The following TTC17 variants were observed in gnomAD, a reference collection of about 807,000 sequenced individuals.
TTC17 encodes the protein tetratricopeptide repeat protein 17.
Under a neutral mutation model 143.8 loss-of-function variants are expected in TTC17, and 58 were observed. That is an observed-to-expected ratio of 0.40 (90% confidence interval 0.33 to 0.50). The LOEUF is 0.50. TTC17 is among the 20% of genes least tolerant of loss of function. The pLI is 0.49. For synonymous variants in TTC17, 501 were observed against 497.8 expected, an observed-to-expected ratio of 1.01 and a Z score of -0.09; for missense variants, 1,273 against 1,392.5, an observed-to-expected ratio of 0.91 and a Z score of 1.37.
intron 15 of TTC17, among the ~76,000 whole-genome samples, chr11:43,413,974 A>G (rs1227973752): frequency 6.6e-6 from 1 of 152,202 alleles, no homozygotes; most frequent in Non-Finnish European, 1.5e-5. Flanking sequence ...TGTGCCTATC[A>G]AGACATTTAC....
chr11:43,406,545 A>C (rs1207789012), intron 13 of TTC17, among the ~76,000 whole-genome samples: 1 of 151,306 alleles, frequency 6.6e-6, no homozygotes, highest in Non-Finnish European at 1.5e-5. Flanking sequence ...CTTTTTAGCA[A>C]TCACAGACCA....
chr11:43,370,127 T>C (rs1254479913), intron 1 of TTC17: 4 of 454,502 alleles, frequency 8.8e-6, no homozygotes, highest in Non-Finnish European at 1.3e-5. Flanking sequence ...GAAGCTGGGC[T>C]GCTATTTTTG....
chr11:43,425,005 C>T (rs1480552518), intron 16 of TTC17, among the ~76,000 whole-genome samples: 1 of 152,192 alleles, frequency 6.6e-6, no homozygotes, highest in African/African-American at 2.4e-5. Flanking sequence ...TTGTTATATA[C>T]ACTTGTGTGT....
chr11:43,363,157 T>G (rs1856186816), intron 1 of TTC17, among the ~76,000 whole-genome samples: 1 of 152,046 alleles, frequency 6.6e-6, no homozygotes, highest in Admixed American at 6.6e-5. Context: ...ATCAGGCCTG[T>G]GGCTCTTTTG....
chr11:43,491,059 G>C (rs1219416024), intron 22 of TTC17: 1 of 152,128 alleles, frequency 6.6e-6, no homozygotes, highest in Non-Finnish European at 1.5e-5. Context: ...TCAAGGCAAT[G>C]TATGGAATGA....
At chr11:43,454,037 T>A (rs989802442) in intron 21 of TTC17, among the ~76,000 whole-genome samples, 1 of 152,136 alleles carries the variant, frequency 6.6e-6, no homozygotes, top group Non-Finnish European at 1.5e-5. Context: ...CACATTGTCA[T>A]AAAGTTGAAA....
intron 16 of TTC17, among the ~76,000 whole-genome samples, chr11:43,434,168 GACACACACACACACACACAC>G (rs55913890): frequency 0.089 from 11,194 of 125,512 alleles, 571 homozygotes; most frequent in Non-Finnish European, 0.11. Context: ...CATGGGCGGG[GACACACACACACACACACAC>G]ACACACACAC....
rs548790438 is a variant in TTC17, at chr11:43,476,257, A to G, written c.3031-13982A>G. On this transcript the variant is annotated intron_variant, in intron 21 of 23. Coordinates refer to ENST00000039989, the MANE Select transcript of TTC17 (RefSeq NM_018259.6). ...GTCTGGGAAAGCAAGGAAGCTCGCA[A>G]TGACAACAGGTTGTATCAAAAGAAT... Among the ~76,000 whole-genome samples the G allele has an allele frequency of 1.9e-4, 29 of 152,342 alleles. No homozygotes were observed. The East Asian group carries it at 2.9e-3, about 15-fold the overall frequency.
intron 21 of TTC17, among the ~76,000 whole-genome samples, chr11:43,480,584 A>G (rs1948267653): frequency 6.6e-6 from 1 of 152,242 alleles, no homozygotes; most frequent in Admixed American, 6.5e-5. Flanking sequence ...ACAAAATGCT[A>G]AGCAAATAAG....
chr11:43,401,592 C>T (rs374876852), intron 10 of TTC17, 34 bp downstream of exon 10: 12 of 1,421,780 alleles, frequency 8.4e-6, no homozygotes, highest in South Asian at 7.7e-5. Flanking sequence ...TTCTTATAAA[C>T]GTTTGCTTTA....
At chr11:43,486,939 G>C (rs1337129203) in intron 21 of TTC17, among the ~76,000 whole-genome samples, 1 of 151,894 alleles carries the variant, frequency 6.6e-6, no homozygotes, top group African/African-American at 2.4e-5. Context: ...AGGAGGCTGA[G>C]GTAGGAGGCT....
At chr11:43,379,104 G>C (rs1298616716) in intron 1 of TTC17, 129 bp from the exon 2 acceptor site, 2 of 845,732 alleles carry the variant, frequency 2.4e-6, no homozygotes, top group African/African-American at 3.4e-5. Context: ...AATACTCCTT[G>C]AGTTTTGCTG....
chr11:43,373,411 C>T (rs997535777), intron 1 of TTC17, among the ~76,000 whole-genome samples: 3 of 151,568 alleles, frequency 2.0e-5, no homozygotes, highest in African/African-American at 7.3e-5. Flanking sequence ...GCAAGCTCCA[C>T]CTCCCAGGTT....
intron 21 of TTC17, among the ~76,000 whole-genome samples, chr11:43,489,029 A>G (rs1408354300): frequency 2.0e-5 from 3 of 152,148 alleles, no homozygotes; most frequent in Admixed American, 6.5e-5. Context: ...CCTAACTACA[A>G]CTGAAAATCC....
At chr11:43,379,835 C>G (rs949456850) in intron 2 of TTC17, among the ~76,000 whole-genome samples, 3 of 152,116 alleles carry the variant, frequency 2.0e-5, no homozygotes, top group Admixed American at 6.5e-5. Context: ...CTAATAAAAT[C>G]TGACTTTTTT....
intron 1 of TTC17, among the ~76,000 whole-genome samples, chr11:43,373,830 T>C (rs1856662363): frequency 6.6e-6 from 1 of 152,214 alleles, no homozygotes; most frequent in Admixed American, 6.5e-5. Context: ...AAAGGAGTTT[T>C]AGAAATCATT....
intron 6 of TTC17, 114 bp downstream of exon 6, chr11:43,396,932 C>T (rs1386200810): frequency 2.0e-5 from 10 of 506,470 alleles, no homozygotes; most frequent in Non-Finnish European, 2.9e-5. Flanking sequence ...TTCTCCATCC[C>T]TGTTCAAAGA....
rs957559276 is a variant in TTC17, at chr11:43,405,971, G to C, written c.1761+20G>C. 1.6e-5 allele frequency: 25 copies of C among 1,606,696 alleles called. No individual in the cohort carries two copies. The highest frequency in any genetic ancestry group is 2.1e-5 in the Non-Finnish European group (25 of 1,177,856). On this transcript the variant is annotated intron_variant, in intron 13 of 23. Transcript: ENST00000039989. Reference sequence around the variant, plus strand: ...CGAAAAGTAAGGCTCACTTAGGCTGGTATTTATTGCCGTCCATTCTGGGTG... The same window carrying C: ...CGAAAAGTAAGGCTCACTTAGGCTGCTATTTATTGCCGTCCATTCTGGGTG...
chr11:43,377,038 T>C (rs1011820049), intron 1 of TTC17, among the ~76,000 whole-genome samples: 1 of 152,210 alleles, frequency 6.6e-6, no homozygotes, highest in African/African-American at 2.4e-5. Context: ...CTCATGCCTG[T>C]AATCCCAGCA....
Sources: gnomAD v4.1 joint callset for allele counts (sites outside exome capture counted in the v4.1 genomes callset) on GRCh38, gnomAD v4.1.1 for gene constraint, MANE v1.5 for transcripts, NCBI Gene and HGNC (gene_info 2026-07-23, HGNC 2026-07-21) for gene names.